LRP6: variants seen among roughly 807,000 people sequenced by gnomAD.
The protein encoded by LRP6 is low-density lipoprotein receptor-related protein 6.
Under a neutral mutation model 184.1 loss-of-function variants are expected in LRP6, and 43 were observed. The observed-to-expected ratio is 0.23, with a 90% CI of 0.18 to 0.30. The LOEUF is 0.30. Among genes scored for constraint, LRP6 ranks in the 10% least tolerant of loss-of-function variants. LRP6 has a pLI of 1.00. For synonymous variants in LRP6, 719 were observed against 684.9 expected, an observed-to-expected ratio of 1.05 and a Z score of -0.78; for missense variants, 1,571 against 2,005.3, an observed-to-expected ratio of 0.78 and a Z score of 4.14.
chr12:12,200,239 T>C (rs1218743312), intron 3 of LRP6, among the ~76,000 whole-genome samples: 1 of 152,204 alleles, frequency 6.6e-6, no homozygotes, highest in Non-Finnish European at 1.5e-5. Flanking sequence ...ACGAGATTTT[T>C]TGCAATTTGC....
At position 12,261,142 on chromosome 12, in the gene LRP6, CG is replaced by C. The variant is rs1865605066; in HGVS notation, c.55+5538del. Among the ~76,000 whole-genome samples the C allele has an allele frequency of 3.3e-5, 5 of 152,240 alleles. No homozygotes were observed. The South Asian group carries it at 1.0e-3, about 32-fold the overall frequency. ...AATCTCTTAAAAATTGAATCATGGC[CG>C]GGCGCGGTGGCTCACGCCTGTAATC... On this transcript the variant is annotated intron_variant, in intron 1 of 22. Transcript: ENST00000261349.
At chr12:12,158,317 A>G (rs542545289) in intron 12 of LRP6, among the ~76,000 whole-genome samples, 16 of 152,200 alleles carry the variant, frequency 1.1e-4, no homozygotes, top group South Asian at 6.2e-4. Flanking sequence ...TCCAAGGGTA[A>G]AAGACTTAAT....
chr12:12,123,814 C>A (rs988580633), intron 22 of LRP6, among the ~76,000 whole-genome samples: 3 of 152,182 alleles, frequency 2.0e-5, no homozygotes, highest in Non-Finnish European at 4.4e-5. Flanking sequence ...CATGAGAAAT[C>A]TTTCACTCCA....
At chr12:12,182,438 AT>A (rs34533547) in intron 5 of LRP6, among the ~76,000 whole-genome samples, 89,626 of 151,874 alleles carry the variant, frequency 0.59, 27,201 homozygotes, top group East Asian at 0.77. Flanking sequence ...TTCATTTTAA[AT>A]TGTTCAAGTA....
At chr12:12,147,853 T>C (rs1317445814) in intron 14 of LRP6, among the ~76,000 whole-genome samples, 4 of 151,822 alleles carry the variant, frequency 2.6e-5, no homozygotes, top group African/African-American at 9.7e-5. Flanking sequence ...CGTGTGCCTG[T>C]AGTCCCAGCT....
intron 12 of LRP6, among the ~76,000 whole-genome samples, chr12:12,152,535 T>C (rs1192392919): frequency 6.6e-6 from 1 of 152,148 alleles, no homozygotes; most frequent in Non-Finnish European, 1.5e-5. Flanking sequence ...TCCACCCACC[T>C]CAGCCTCCCA....
At chr12:12,224,046 G>C (rs1358840392) in intron 2 of LRP6, among the ~76,000 whole-genome samples, 1 of 152,136 alleles carries the variant, frequency 6.6e-6, no homozygotes, top group Non-Finnish European at 1.5e-5. Context: ...CAGGCACTAT[G>C]CATCTCCAAA....
At position 12,116,176 on chromosome 12, in the gene LRP6, A is replaced by C. The variant is rs2136811780; in HGVS notation, c.*4950T>G. The C allele has an allele frequency of 6.6e-6, 1 of 152,232 alleles. No individual in the cohort carries two copies. Among genetic ancestry groups the C allele is most frequent in the East Asian group, 1.9e-4 (1 of 5,202 alleles). The allele number at this position is 152,232 out of a possible 1,614,324, so 9.4% of individuals were successfully genotyped here. ...ATTTTACAAAAGGAGGGAAGTGAAT[A>C]AGTGGACAAGGGCTGACCAAATGTT... On this transcript the variant is annotated 3_prime_UTR_variant, in exon 23 of 23. Coordinates refer to ENST00000261349, the MANE Select transcript of LRP6 (RefSeq NM_002336.3).
At position 12,199,420 on chromosome 12, in the gene LRP6, TTC is replaced by T. The variant is rs1430868804; in HGVS notation, c.647+3781_647+3782del. Among the ~76,000 whole-genome samples the T allele has an allele frequency of 7.9e-5, 12 of 152,314 alleles. 1 individual carries two copies. The South Asian group carries it at 2.3e-3, about 29-fold the overall frequency. On this transcript the variant is annotated intron_variant, in intron 3 of 22. Transcript: ENST00000261349. Reference sequence around the variant, plus strand: ...AAAAGGAGCTATTACTCCTTTTATTTTCTCTGTTTAAAATTAAACAGGAAAAC... The same window carrying T: ...AAAAGGAGCTATTACTCCTTTTATTTTCTGTTTAAAATTAAACAGGAAAAC...
intron 15 of LRP6, among the ~76,000 whole-genome samples, chr12:12,141,707 A>C (rs1468625889): frequency 3.3e-5 from 5 of 152,218 alleles, no homozygotes; most frequent in Non-Finnish European, 4.4e-5. Flanking sequence ...TATGAAGACA[A>C]ATAGATGGAC....
At chr12:12,229,952 C>T (rs114520370) in intron 2 of LRP6, among the ~76,000 whole-genome samples, 7 of 152,284 alleles carry the variant, frequency 4.6e-5, no homozygotes, top group African/African-American at 1.7e-4. Flanking sequence ...CTCCACTTTG[C>T]AATAGTATAC....
chr12:12,193,227 T>C (rs1466360131), intron 3 of LRP6, among the ~76,000 whole-genome samples: 1 of 151,804 alleles, frequency 6.6e-6, no homozygotes, highest in African/African-American at 2.4e-5. Context: ...ATACAAAATA[T>C]GGAAACGTAT....
intron 22 of LRP6, among the ~76,000 whole-genome samples, chr12:12,123,970 T>C (rs1949637368): frequency 6.6e-6 from 1 of 152,118 alleles, no homozygotes; most frequent in Admixed American, 6.5e-5. Context: ...AATATCAAAC[T>C]ATTTTGAAAC....
At chr12:12,257,228 G>A (rs1325963170) in intron 1 of LRP6, among the ~76,000 whole-genome samples, 1 of 152,138 alleles carries the variant, frequency 6.6e-6, no homozygotes, top group Non-Finnish European at 1.5e-5. Flanking sequence ...ACTAGACATT[G>A]TAAAATGGAG....
chr12:12,180,941 C>T (rs1226989404), intron 6 of LRP6, 102 bp downstream of exon 6: 1 of 1,286,640 alleles, frequency 7.8e-7, no homozygotes, highest in African/African-American at 1.5e-5. Flanking sequence ...GAGCTGTTTA[C>T]TGGAAACCAA....
intron 2 of LRP6, among the ~76,000 whole-genome samples, chr12:12,218,410 G>T (rs956947880): frequency 9.2e-5 from 14 of 151,500 alleles, no homozygotes; most frequent in Non-Finnish European, 2.1e-4. Context: ...CCAGGGAGTT[G>T]AGGCTGCAAT....
intron 1 of LRP6, among the ~76,000 whole-genome samples, chr12:12,260,487 G>A (rs1865586658): frequency 6.6e-6 from 1 of 151,666 alleles, no homozygotes; most frequent in South Asian, 2.1e-4. Context: ...AGTTGCAGAA[G>A]AATCAAAAAA....
chr12:12,255,245 A>G (rs1387015630), intron 1 of LRP6, among the ~76,000 whole-genome samples: 1 of 152,022 alleles, frequency 6.6e-6, no homozygotes, highest in African/African-American at 2.4e-5. Flanking sequence ...GGCTTGCCCT[A>G]AGCTTAAGAA....
chr12:12,184,609 T>C (rs970413811), intron 4 of LRP6, among the ~76,000 whole-genome samples: 3 of 152,174 alleles, frequency 2.0e-5, no homozygotes, highest in South Asian at 2.1e-4. Context: ...TTGGGGGCTA[T>C]AAACTGGGTA....
Sources: allele counts gnomAD v4.1 joint callset (sites outside exome capture counted in the v4.1 genomes callset), GRCh38; gene constraint gnomAD v4.1.1; transcripts MANE v1.5; gene names NCBI Gene and HGNC (gene_info 2026-07-23, HGNC 2026-07-21).